Variants in STKLD1 observed in about 807,000 individuals in gnomAD.
STKLD1 encodes serine/threonine kinase-like domain-containing protein STKLD1.
STKLD1 carries 79 observed loss-of-function variants against 80.4 expected under a neutral mutation model. The observed-to-expected ratio is 0.98, with a 90% CI of 0.82 to 1.19. The LOEUF (loss-of-function observed/expected upper bound fraction) is 1.19, where lower values mean the gene tolerates loss of function less well. Ranked by LOEUF, STKLD1 falls within the 50% of genes most tolerant of loss-of-function variation. The pLI is 0.00. For missense variants in STKLD1, 841 were observed against 856.0 expected, an observed-to-expected ratio of 0.98 and a Z score of 0.22; for synonymous variants, 393 against 357.6, an observed-to-expected ratio of 1.10 and a Z score of -1.12.
intron 1 of STKLD1, among the ~76,000 whole-genome samples, chr9:133,378,679 G>A (rs1564373902): frequency 6.6e-6 from 1 of 152,248 alleles, no homozygotes; most frequent in East Asian, 1.9e-4. Flanking sequence ...AAACCAGTTG[G>A]GAGGTGGATG....
intron 1 of STKLD1, among the ~76,000 whole-genome samples, chr9:133,377,036 C>T (rs1837988322): frequency 2.6e-5 from 4 of 152,290 alleles, no homozygotes; most frequent in Middle Eastern, 3.4e-3. Context: ...ATGATATATA[C>T]ACTTTATTAA....
At chr9:133,401,570 A>C (rs1364933534) in intron 12 of STKLD1, among the ~76,000 whole-genome samples, 168 bp from the exon 13 acceptor site, 1 of 152,184 alleles carries the variant, frequency 6.6e-6, no homozygotes, top group African/African-American at 2.4e-5. Context: ...CCTTCACTCC[A>C]TTAGGCCACA....
At position 133,394,071 on chromosome 9, in the gene STKLD1, G is replaced by T; in HGVS notation, c.584-220G>T. ...GCACCCACCAAGATGGACAGCTTCAGTGGCTCCAGATCAACACAAAGCTCC... is the reference window on the plus strand; with the variant it reads ...GCACCCACCAAGATGGACAGCTTCATTGGCTCCAGATCAACACAAAGCTCC... On this transcript the variant is annotated intron_variant, in intron 7 of 17. Transcript: ENST00000371957. The surrounding 1 kb of genome is among the most constrained non-coding windows in gnomAD (Gnocchi z 4.9). 1.8e-6 allele frequency: 1 copy of T among 562,974 alleles called. No homozygotes were observed. Among genetic ancestry groups the T allele is most frequent in the East Asian group, 2.9e-5 (1 of 34,824 alleles). 34.9% of individuals were successfully genotyped at this position (562,974 alleles called of 1,614,324 possible).
chr9:133,395,379 C>T (rs1838533140), intron 8 of STKLD1, among the ~76,000 whole-genome samples: 1 of 152,156 alleles, frequency 6.6e-6, no homozygotes, highest in South Asian at 2.1e-4. Flanking sequence ...GGCAGGACTC[C>T]ACCCCGGGAG....
chr9:133,401,663 C>A, intron 12 of STKLD1, 75 bp from the exon 13 acceptor site: 4 of 1,519,684 alleles, frequency 2.6e-6, no homozygotes, highest in Non-Finnish European at 3.5e-6. Context: ...ATCCCCCAGC[C>A]TGTGAGCCTT....
rs1055313408 is a variant in STKLD1, at chr9:133,395,889, A to G, written c.866+126A>G. 6 of 973,324 alleles carry G rather than the reference A, an allele frequency of 6.2e-6. No homozygotes were observed. The Admixed American group carries it at 9.8e-5, about 16-fold the overall frequency. The allele number at this position is 973,324 out of a possible 1,614,324, so 60.3% of individuals were successfully genotyped here. A position where few individuals can be genotyped will look rare whatever the true frequency, so the allele number is the denominator to read the frequency against. On this transcript the variant is annotated intron_variant, in intron 9 of 17. Transcript: ENST00000371957. ...GAACTCCATCACAGATGCCCTGATT[A>G]TCCCTGCACAGCTGGGCTTTGCCCA...
intron 7 of STKLD1, among the ~76,000 whole-genome samples, chr9:133,392,075 T>C (rs1379370294): frequency 7.7e-6 from 1 of 130,646 alleles, no homozygotes; most frequent in Non-Finnish European, 1.6e-5. Context: ...CACTCTGTCC[T>C]TTTTTTTTTT....
rs180990996 is a variant in STKLD1, at chr9:133,377,694, C to T, written c.87+1134C>T. Among the ~76,000 whole-genome samples, 74 of 152,246 alleles carry T rather than the reference C, an allele frequency of 4.9e-4. 1 individual carries two copies. The East Asian group carries it at 0.014, about 29-fold the overall frequency. On this transcript the variant is annotated intron_variant, in intron 1 of 17. Transcript: ENST00000371957. Reference sequence around the variant, plus strand: ...GAAAAAAAAAAATAGCAGTCCCCAACCTTTTTGGCACAAGGGACCAGTTTT... The same window carrying T: ...GAAAAAAAAAAATAGCAGTCCCCAATCTTTTTGGCACAAGGGACCAGTTTT...
At chr9:133,388,712 T>C (rs912735840) in intron 5 of STKLD1, 1 of 980,962 alleles carries the variant, frequency 1.0e-6, no homozygotes, top group African/African-American at 1.8e-5. Context: ...GCTTGGTTAT[T>C]TTTGCCTTCA....
intron 2 of STKLD1, among the ~76,000 whole-genome samples, chr9:133,382,850 T>C (rs1326857627): frequency 9.3e-5 from 12 of 128,794 alleles, no homozygotes; most frequent in Admixed American, 9.2e-4. Flanking sequence ...GGTGATGGTG[T>C]GATGATGGTG....
Position 133,401,764 on chromosome 9 carries a change from G to A in STKLD1, c.1225G>A (p.Ala409Thr), listed in dbSNP as rs1554777702. ...GCTGGTGCACCACCCGGAAGCCAAG[G>A]CTCCCTGCAACCAAGCCATCACCTC... ...QALVHHPEAK[A>T]PCNQAITSTL... Residue 409 changes from alanine to threonine, a missense_variant, in exon 13 of 18, where the codon GCT (alanine) becomes ACT (threonine). Transcript: ENST00000371957. 4 of 1,613,010 alleles carry A rather than the reference G, an allele frequency of 2.5e-6. No individual in the cohort carries two copies. The highest frequency in any genetic ancestry group is 2.2e-5 in the East Asian group (1 of 44,876).
intron 4 of STKLD1, 82 bp from the exon 5 acceptor site, chr9:133,387,365 G>A (rs895274397): frequency 3.7e-5 from 41 of 1,120,036 alleles, no homozygotes; most frequent in Admixed American, 9.4e-5. Flanking sequence ...GCAGCTGAGC[G>A]CAGGGAGGCC....
At chr9:133,403,464 G>A (rs1210534413) in intron 14 of STKLD1, among the ~76,000 whole-genome samples, 1 of 152,176 alleles carries the variant, frequency 6.6e-6, no homozygotes, top group Non-Finnish European at 1.5e-5. Context: ...GAAAAAGAGA[G>A]CTCCAAACCA....
At chr9:133,393,455 G>A (rs1264499146) in intron 7 of STKLD1, among the ~76,000 whole-genome samples, 1 of 146,286 alleles carries the variant, frequency 6.8e-6, no homozygotes, top group African/African-American at 2.5e-5. Flanking sequence ...TGCATGGGTT[G>A]TGGATGGATG....
chr9:133,383,299 GGTGGTA>G (rs1838187283), intron 2 of STKLD1, among the ~76,000 whole-genome samples: 10 of 626 alleles, frequency 0.016, no homozygotes, highest in Admixed American at 0.036. Flanking sequence ...ATGATGTGAT[GGTGGTA>G]ATGGTGGTGG....
chr9:133,397,077 CCCGGAG>C, intron 9 of STKLD1, 81 bp from the exon 10 acceptor site: 1 of 1,577,818 alleles, frequency 6.3e-7, no homozygotes, highest in South Asian at 1.2e-5. Context: ...CAATGGGCAG[CCCGGAG>C]CCAGAGGCAG....
chr9:133,386,774 G>C (rs1275885730), intron 4 of STKLD1, among the ~76,000 whole-genome samples: 1 of 152,236 alleles, frequency 6.6e-6, no homozygotes, highest in Non-Finnish European at 1.5e-5. Flanking sequence ...CAGGCACAAG[G>C]GGTGCTGGAG....
intron 2 of STKLD1, among the ~76,000 whole-genome samples, chr9:133,380,654 A>G (rs983719162): frequency 6.6e-6 from 1 of 151,866 alleles, no homozygotes; most frequent in Non-Finnish European, 1.5e-5. Context: ...CTCTGTCTAA[A>G]TTAATTAATT....
intron 9 of STKLD1, chr9:133,395,994 C>T (rs1838553285): frequency 4.7e-6 from 2 of 424,382 alleles, no homozygotes; most frequent in Non-Finnish European, 8.4e-6. Flanking sequence ...CCAGGAGGCA[C>T]AGGAGGCGTA....
Sources: gnomAD v4.1 joint callset for allele counts (sites outside exome capture counted in the v4.1 genomes callset) on GRCh38, gnomAD v4.1.1 for gene constraint, Gnocchi (gnomAD v3.1) non-coding constraint, MANE v1.5 for transcripts, NCBI Gene and HGNC (gene_info 2026-07-23, HGNC 2026-07-21) for gene names.